DLGAP2: variants seen among roughly 807,000 people sequenced by gnomAD.
The protein encoded by DLGAP2 is disks large-associated protein 2.
DLGAP2 carries 26 observed loss-of-function variants against 100.3 expected under a neutral mutation model. That is an observed-to-expected ratio of 0.26 (90% CI 0.19 to 0.36). The LOEUF (loss-of-function observed/expected upper bound fraction) is 0.36. DLGAP2 is among the 10% of genes least tolerant of loss of function. The pLI is 1.00. For missense variants in DLGAP2, 1,858 were observed against 1,453.2 expected (o/e 1.28, Z -4.53); for synonymous variants, 886 against 630.1 (o/e 1.41, Z -6.08).
intron 2 of DLGAP2, among the ~76,000 whole-genome samples, chr8:971,844 C>G (rs1294180546): frequency 6.6e-6 from 1 of 152,160 alleles, no homozygotes; most frequent in Admixed American, 6.5e-5. Flanking sequence ...CCATTGTCTT[C>G]CTTCCTTACA....
chr8:841,098 T>C (rs1351024948), intron 1 of DLGAP2, among the ~76,000 whole-genome samples: 1 of 152,212 alleles, frequency 6.6e-6, no homozygotes, highest in Non-Finnish European at 1.5e-5. Flanking sequence ...CTTGTTTCTA[T>C]AAAACAACAG....
chr8:1,417,749 A>T (rs1009333511), intron 3 of DLGAP2, among the ~76,000 whole-genome samples: 4 of 37,182 alleles, frequency 1.1e-4, no homozygotes, highest in African/African-American at 1.9e-4. Flanking sequence ...ACGGAGACCT[A>T]TGAACGGACC....
At chr8:1,010,174 GAC>G (rs1476157762) in intron 2 of DLGAP2, among the ~76,000 whole-genome samples, 1 of 152,008 alleles carries the variant, frequency 6.6e-6, no homozygotes, top group Admixed American at 6.6e-5. Context: ...TGCACACACA[GAC>G]ACATGCACAC....
At chr8:895,257 G>A (rs780644566) in intron 1 of DLGAP2, among the ~76,000 whole-genome samples, 2 of 152,044 alleles carry the variant, frequency 1.3e-5, no homozygotes, top group East Asian at 1.9e-4. Flanking sequence ...TATGCAGGAC[G>A]GATACATCAT....
rs558842429 is a variant in DLGAP2 at position 1,482,585 on chromosome 8, C to G, written c.107-18781C>G. On this transcript the variant is annotated intron_variant, in intron 3 of 14. Transcript: ENST00000637795. ...CAACAAGCCCAGCTCACTGGCATGG[C>G]TCGCTCTCGTGGGCCACGGGGTGGG... Among the ~76,000 whole-genome samples the G allele has an allele frequency of 2.6e-5, 4 of 152,384 alleles. No homozygotes were observed. In the East Asian group the frequency reaches 7.7e-4, roughly 29 times the overall value.
intron 4 of DLGAP2, among the ~76,000 whole-genome samples, chr8:1,507,048 A>G (rs1197957165): frequency 6.6e-6 from 1 of 152,214 alleles, no homozygotes; most frequent in Non-Finnish European, 1.5e-5. Flanking sequence ...ACAATCTCCT[A>G]GCTACACATA....
chr8:1,669,459 G>A (rs1018880499), intron 9 of DLGAP2, among the ~76,000 whole-genome samples: 1 of 152,214 alleles, frequency 6.6e-6, no homozygotes, highest in African/African-American at 2.4e-5. Flanking sequence ...CCGGGATCTG[G>A]CGGACGTGGT....
At chr8:1,230,327 G>A (rs947129654) in intron 2 of DLGAP2, among the ~76,000 whole-genome samples, 6 of 152,174 alleles carry the variant, frequency 3.9e-5, no homozygotes, top group African/African-American at 9.6e-5. Context: ...ATATCTACAC[G>A]GAGAACTATA....
At chr8:905,249 C>T (rs1339333089) in intron 1 of DLGAP2, among the ~76,000 whole-genome samples, 1 of 152,084 alleles carries the variant, frequency 6.6e-6, no homozygotes, top group Non-Finnish European at 1.5e-5. Context: ...CGACGAGATC[C>T]CAGGGTGCAG....
chr8:1,280,403 T>C (rs1461378387), intron 3 of DLGAP2, among the ~76,000 whole-genome samples: 1 of 152,234 alleles, frequency 6.6e-6, no homozygotes, highest in Admixed American at 6.5e-5. Context: ...CTTATTTATC[T>C]CTATTTAATA....
At chr8:1,046,958 A>G (rs1055906451) in intron 2 of DLGAP2, among the ~76,000 whole-genome samples, 2 of 40,912 alleles carry the variant, frequency 4.9e-5, no homozygotes, top group African/African-American at 9.0e-5. Context: ...TATTAAAATA[A>G]TAGGTTTTTT....
intron 10 of DLGAP2, among the ~76,000 whole-genome samples, chr8:1,676,244 C>G (rs1293513926): frequency 1.3e-5 from 2 of 152,158 alleles, no homozygotes; most frequent in Non-Finnish European, 2.9e-5. Flanking sequence ...TCAACAACAC[C>G]TATTTTTTGC....
chr8:1,615,162 C>A (rs1459050577), intron 6 of DLGAP2, among the ~76,000 whole-genome samples: 5 of 152,140 alleles, frequency 3.3e-5, no homozygotes, highest in African/African-American at 4.8e-5. Flanking sequence ...TTTGCGGACC[C>A]CTGAAAAAGT....
intron 3 of DLGAP2, among the ~76,000 whole-genome samples, chr8:1,467,616 A>G (rs1393359444): frequency 6.6e-6 from 1 of 152,140 alleles, no homozygotes; most frequent in African/African-American, 2.4e-5. Context: ...TGTTCGTGTC[A>G]AGTGGACAGA....
chr8:1,676,465 C>T (rs1282848495), intron 10 of DLGAP2, 68 bp from the exon 11 acceptor site: 2 of 1,499,976 alleles, frequency 1.3e-6, no homozygotes, highest in African/African-American at 2.8e-5. Context: ...TCCACAACAA[C>T]AACAAAATAG....
chr8:1,077,027 G>T (rs1563179471), intron 2 of DLGAP2, among the ~76,000 whole-genome samples: 7 of 136,092 alleles, frequency 5.1e-5, no homozygotes. Context: ...TCTGTCCCGG[G>T]CCCCCCCAAG....
At chr8:1,040,706 A>G (rs1017037154) in intron 2 of DLGAP2, among the ~76,000 whole-genome samples, 2 of 149,712 alleles carry the variant, frequency 1.3e-5, no homozygotes, top group South Asian at 2.1e-4. Context: ...CTCGGTGTGC[A>G]TGGTCAGCTA....
At chr8:1,316,872 A>C (rs1305816587) in intron 3 of DLGAP2, among the ~76,000 whole-genome samples, 68 of 120,322 alleles carry the variant, frequency 5.7e-4, no homozygotes, top group African/African-American at 1.1e-3. Context: ...ACACTCGAGA[A>C]ACTCGGCAGC....
chr8:890,665 A>C (rs986625041), intron 1 of DLGAP2, among the ~76,000 whole-genome samples: 3 of 148,604 alleles, frequency 2.0e-5, no homozygotes, highest in African/African-American at 5.0e-5. Flanking sequence ...GCCCTCACCC[A>C]CCCGGTGCCA....
Sources: gnomAD v4.1 joint callset for allele counts (sites outside exome capture counted in the v4.1 genomes callset) on GRCh38, gnomAD v4.1.1 for gene constraint, MANE v1.5 for transcripts, NCBI Gene and HGNC (gene_info 2026-07-23, HGNC 2026-07-21) for gene names.